ABI2: variants seen among roughly 807,000 people sequenced by gnomAD.
ABI2 encodes the protein abl interactor 2, also known as abelson interactor 2.
In ABI2, 25 loss-of-function variants were observed where a neutral mutation model predicts 59.2. The observed-to-expected ratio is 0.42, with a 90% confidence interval of 0.31 to 0.59. ABI2 has a LOEUF of 0.59. Among genes scored for constraint, ABI2 ranks in the 20% least tolerant of loss-of-function variants. ABI2 has a pLI of 0.14. For synonymous variants in ABI2, 213 were observed against 235.5 expected, an observed-to-expected ratio of 0.90 and a Z score of 0.87; for missense variants, 545 against 681.8, an observed-to-expected ratio of 0.80 and a Z score of 2.23.
chr2:203,344,236 C>A (rs764134993), intron 1 of ABI2, among the ~76,000 whole-genome samples: 6 of 152,020 alleles, frequency 3.9e-5, no homozygotes, highest in Non-Finnish European at 5.9e-5. Flanking sequence ...AGACTATAGG[C>A]CATTAATAAT....
intron 11 of ABI2, among the ~76,000 whole-genome samples, chr2:203,426,286 G>A (rs1197055225): frequency 6.6e-6 from 1 of 152,206 alleles, no homozygotes; most frequent in Non-Finnish European, 1.5e-5. Flanking sequence ...AATAGGTACA[G>A]AAGATGAAGA....
chr2:203,330,531 A>T (rs2072548567), intron 1 of ABI2, among the ~76,000 whole-genome samples: 1 of 152,172 alleles, frequency 6.6e-6, no homozygotes, highest in African/African-American at 2.4e-5. Context: ...AATACCATGT[A>T]GTTAATTTAT....
intron 1 of ABI2, among the ~76,000 whole-genome samples, chr2:203,353,171 T>C (rs984676431): frequency 1.3e-5 from 2 of 152,256 alleles, no homozygotes; most frequent in Non-Finnish European, 2.9e-5. Flanking sequence ...TTTATTCTTT[T>C]TCTGTTGTGA....
At position 203,360,144 on chromosome 2, in the gene ABI2, C is replaced by T. The variant is rs1404624702; in HGVS notation, c.118-6733C>T. Among the ~76,000 whole-genome samples the T allele has an allele frequency of 2.8e-5, 4 of 143,518 alleles. No individual in the cohort carries two copies. The South Asian group carries it at 6.6e-4, about 24-fold the overall frequency. 94.2% of individuals were successfully genotyped at this position (143,518 alleles called of 152,430 possible). ...AGGTTGCAGGGAGCTAAGATTGCAC[C>T]ACTGCACTCTAGTCTGGGTGACAGA... is the stretch of plus-strand genomic sequence containing the variant. On this transcript the variant is annotated intron_variant, in intron 1 of 11. Coordinates refer to ENST00000261018, the MANE Select transcript of ABI2 (RefSeq NM_001375670.1).
At chr2:203,402,549 CAT>C (rs749716535) in intron 8 of ABI2, 25 bp from the exon 9 acceptor site, 2 of 1,415,624 alleles carry the variant, frequency 1.4e-6, no homozygotes, top group Non-Finnish European at 9.3e-7. Flanking sequence ...CTTTTAATGA[CAT>C]ATGTATGTTC....
At chr2:203,358,715 G>T (rs2152868787) in intron 1 of ABI2, among the ~76,000 whole-genome samples, 1 of 152,180 alleles carries the variant, frequency 6.6e-6, no homozygotes, top group Non-Finnish European at 1.5e-5. Flanking sequence ...TTTAGAATCA[G>T]TTTGAAAAAT....
At chr2:203,422,285 C>T (rs548725695) in intron 11 of ABI2, among the ~76,000 whole-genome samples, 21 of 152,110 alleles carry the variant, frequency 1.4e-4, no homozygotes, top group African/African-American at 5.1e-4. Context: ...AAGACTCTGT[C>T]TCAATAAAAA....
intron 1 of ABI2, chr2:203,329,306 T>G (rs1466829186): frequency 1.4e-5 from 1 of 74,070 alleles, no homozygotes; most frequent in Non-Finnish European, 4.7e-5. Context: ...TGACTGTTTC[T>G]TAGAGAGAAT....
chr2:203,410,957 T>G lies in ABI2; in HGVS notation c.1193-328T>G, dbSNP rs181291733. 3.2e-4 allele frequency among the ~76,000 whole-genome samples: 48 copies of G among 150,726 alleles called. 1 individual carries two copies. The highest frequency in any genetic ancestry group is 3.5e-3 in the Middle Eastern group (1 of 284). ...GATATGAAAAAAGATCAATTATATA[T>G]AATATATATATAAAACATGATTGTT... is the stretch of plus-strand genomic sequence containing the variant. On this transcript the variant is annotated intron_variant, in intron 9 of 11. Coordinates refer to ENST00000261018, the MANE Select transcript of ABI2 (RefSeq NM_001375670.1).
chr2:203,386,845 G>A (rs2096544278), intron 4 of ABI2, among the ~76,000 whole-genome samples: 2 of 151,566 alleles, frequency 1.3e-5, no homozygotes, highest in African/African-American at 4.9e-5. Flanking sequence ...TGCCATGTTG[G>A]CCAGGCTGGT....
intron 11 of ABI2, among the ~76,000 whole-genome samples, chr2:203,418,178 A>C (rs2097993585): frequency 6.6e-6 from 1 of 152,270 alleles, no homozygotes; most frequent in Admixed American, 6.5e-5. Flanking sequence ...TGGAGTCCCC[A>C]GGAGATGTGA....
chr2:203,362,199 A>G (rs1393378170), intron 1 of ABI2, among the ~76,000 whole-genome samples: 2 of 152,224 alleles, frequency 1.3e-5, no homozygotes, highest in Non-Finnish European at 2.9e-5. Flanking sequence ...CAAGTGAAGT[A>G]CAGATAATGT....
intron 4 of ABI2, among the ~76,000 whole-genome samples, chr2:203,389,024 A>C (rs183951796): frequency 6.6e-6 from 1 of 152,238 alleles, no homozygotes; most frequent in African/African-American, 2.4e-5. Context: ...GTTGAGCTTA[A>C]AGGACTTTGG....
At chr2:203,341,677 T>C (rs2152513922) in intron 1 of ABI2, among the ~76,000 whole-genome samples, 1 of 152,116 alleles carries the variant, frequency 6.6e-6, no homozygotes, top group African/African-American at 2.4e-5. Flanking sequence ...ACCACTGCAC[T>C]CCAGCCTGGG....
At chr2:203,338,938 A>ATATATATATATATATT (rs2077883913) in intron 1 of ABI2, among the ~76,000 whole-genome samples, 2 of 8,298 alleles carry the variant, frequency 2.4e-4, no homozygotes, top group African/African-American at 3.1e-4. Context: ...GTATATGTAT[A>ATATATATATATATATT]TATATATATA....
chr2:203,337,968 T>G (rs1439117908), intron 1 of ABI2, among the ~76,000 whole-genome samples: 1 of 152,196 alleles, frequency 6.6e-6, no homozygotes, highest in Admixed American at 6.5e-5. Flanking sequence ...AAGTGGAGGT[T>G]GCAGTGAGCT....
intron 11 of ABI2, among the ~76,000 whole-genome samples, chr2:203,422,822 A>G (rs1424170341): frequency 1.3e-5 from 2 of 152,224 alleles, no homozygotes; most frequent in African/African-American, 4.8e-5. Context: ...CTTAGAATAC[A>G]TTAAGTGGTT....
At chr2:203,373,574 T>C (rs997892864) in intron 2 of ABI2, among the ~76,000 whole-genome samples, 4 of 152,180 alleles carry the variant, frequency 2.6e-5, no homozygotes, top group South Asian at 2.1e-4. Flanking sequence ...TCTTTGCTAG[T>C]AAAATTAGTC....
At chr2:203,397,529 C>G (rs2097053270) in intron 8 of ABI2, among the ~76,000 whole-genome samples, 1 of 152,150 alleles carries the variant, frequency 6.6e-6, no homozygotes, top group South Asian at 2.1e-4. Flanking sequence ...AGGAGATAGA[C>G]TCAATTGCTA....
Sources: gnomAD v4.1 joint callset for allele counts (sites outside exome capture counted in the v4.1 genomes callset) on GRCh38, gnomAD v4.1.1 for gene constraint, MANE v1.5 for transcripts, NCBI Gene and HGNC (gene_info 2026-07-23, HGNC 2026-07-21) for gene names.